The following KDM2B variants were observed in gnomAD, a reference collection of about 807,000 sequenced individuals.
The protein encoded by KDM2B is lysine-specific demethylase 2B.
A neutral mutation model predicts 150.0 loss-of-function variants in KDM2B; 26 were observed. The observed-to-expected ratio is 0.17, with a 90% CI of 0.13 to 0.24. The LOEUF is 0.24. Ranked by LOEUF, KDM2B falls within the 10% of genes least tolerant of loss-of-function variation. The pLI is 1.00. For synonymous variants in KDM2B, 734 were observed against 729.5 expected, an observed-to-expected ratio of 1.01 and a Z score of -0.10; for missense variants, 1,265 against 1,816.9, an observed-to-expected ratio of 0.70 and a Z score of 5.52.
chr12:121,552,644 G>C (rs1024926269), intron 4 of KDM2B, among the ~76,000 whole-genome samples: 2 of 147,510 alleles, frequency 1.4e-5, no homozygotes, highest in Non-Finnish European at 3.0e-5. Context: ...TTGCACTCTA[G>C]CCTGGGTGAC....
At chr12:121,482,133 G>T (rs930496755) in intron 12 of KDM2B, among the ~76,000 whole-genome samples, 2 of 152,034 alleles carry the variant, frequency 1.3e-5, no homozygotes, top group African/African-American at 2.4e-5. Flanking sequence ...CACCAAAAAA[G>T]AAATCCTTGG....
At chr12:121,557,173 C>T (rs1270315663) in intron 4 of KDM2B, among the ~76,000 whole-genome samples, 1 of 151,096 alleles carries the variant, frequency 6.6e-6, no homozygotes, top group African/African-American at 2.4e-5. Flanking sequence ...TCTTTGCTGA[C>T]GTGATCAAGC....
chr12:121,532,653 C>T (rs528934970), intron 8 of KDM2B, among the ~76,000 whole-genome samples, 153 bp downstream of exon 8: 2 of 152,192 alleles, frequency 1.3e-5, no homozygotes, highest in Non-Finnish European at 2.9e-5. Flanking sequence ...GAAAACTGCA[C>T]GGCTTTTCCC....
At chr12:121,574,434 G>T (rs573109603) in intron 4 of KDM2B, 113 bp downstream of exon 4, 235 of 960,594 alleles carry the variant, frequency 2.4e-4, no homozygotes, top group African/African-American at 1.0e-3. Context: ...GCCTTCTCCC[G>T]TGGGGACTTT....
At chr12:121,539,283 G>A (rs1005616996) in intron 6 of KDM2B, among the ~76,000 whole-genome samples, 1 of 127,312 alleles carries the variant, frequency 7.9e-6, no homozygotes, top group African/African-American at 3.1e-5. Flanking sequence ...AATCACGACT[G>A]CGCCACTGCA....
chr12:121,466,610 A>ACGGCGGG (rs1223282552), intron 12 of KDM2B, among the ~76,000 whole-genome samples: 2 of 150,952 alleles, frequency 1.3e-5, no homozygotes, highest in Non-Finnish European at 3.0e-5. Flanking sequence ...CCGTCTGCCC[A>ACGGCGGG]CGGCGGGCGG....
In KDM2B at chr12:121,505,426, C is replaced by T. The variant is rs377478673; in HGVS notation, c.1647+4141G>A. On this transcript the variant is annotated intron_variant, in intron 11 of 22. Transcript: ENST00000377071. ...ACACGAGGCTGTCCAACCACCTGAG[C>T]CCAGGGGCTCAAGATGAGCCTGGGC... Among the ~76,000 whole-genome samples the T allele has an allele frequency of 1.5e-4, 23 of 152,034 alleles. No homozygotes were observed. The East Asian group carries it at 4.5e-3, about 29-fold the overall frequency.
intron 12 of KDM2B, among the ~76,000 whole-genome samples, chr12:121,475,698 A>G (rs541570557): frequency 2.0e-4 from 31 of 152,194 alleles, no homozygotes; most frequent in African/African-American, 7.5e-4. Flanking sequence ...GTTTGAGACC[A>G]GCCTGGGCAA....
chr12:121,564,018 G>A (rs2136302762), intron 4 of KDM2B, among the ~76,000 whole-genome samples: 1 of 152,250 alleles, frequency 6.6e-6, no homozygotes, highest in African/African-American at 2.4e-5. Context: ...GGGAGGTTGA[G>A]GTGGGAGAAT....
At chr12:121,502,314 C>A (rs1294111897) in intron 11 of KDM2B, among the ~76,000 whole-genome samples, 1 of 152,142 alleles carries the variant, frequency 6.6e-6, no homozygotes, top group Non-Finnish European at 1.5e-5. Context: ...CGGTCTAATG[C>A]AGAACTTTTG....
At chr12:121,435,040 A>AG (rs1434298005) in intron 22 of KDM2B, among the ~76,000 whole-genome samples, 3 of 150,918 alleles carry the variant, frequency 2.0e-5, no homozygotes, top group African/African-American at 7.4e-5. Flanking sequence ...ACAAAGGGAA[A>AG]AAAAAAAAAA....
the KDM2B span, among the ~76,000 whole-genome samples, chr12:121,413,759 G>T: frequency 6.6e-6 from 1 of 151,816 alleles, no homozygotes; most frequent in Non-Finnish European, 1.5e-5. Context: ...TGTATTTTTA[G>T]TAGAGACAGG....
intron 12 of KDM2B, among the ~76,000 whole-genome samples, chr12:121,481,919 C>T (rs782128402): frequency 2.3e-4 from 35 of 152,226 alleles, no homozygotes; most frequent in Non-Finnish European, 4.3e-4. Context: ...GCTGGGATTA[C>T]GGGCACCCGG....
intron 1 of KDM2B, chr12:121,580,400 G>T (rs1594177419): frequency 2.7e-6 from 3 of 1,115,558 alleles, no homozygotes; most frequent in Non-Finnish European, 2.2e-6. Context: ...ATGGGGCGGG[G>T]AGGGAGCCCG....
chr12:121,452,995 C>G lies in KDM2B; in HGVS notation c.1959+125G>C, dbSNP rs1047249814. On this transcript the variant is annotated intron_variant, in intron 13 of 22. Transcript: ENST00000377071. The surrounding 1 kb of genome is among the most constrained non-coding windows in gnomAD (Gnocchi z 4.4). Reference sequence around the variant, plus strand: ...CCTTCCCGTCCACAGGAAGAGCTCTCGGGGAGTCCACAGCCCCGGCTTCTC... The same window carrying G: ...CCTTCCCGTCCACAGGAAGAGCTCTGGGGGAGTCCACAGCCCCGGCTTCTC... The G allele has an allele frequency of 3.5e-6, 3 of 869,078 alleles. No individual in the cohort carries two copies. The highest frequency in any genetic ancestry group is 3.4e-6 in the Non-Finnish European group (2 of 586,628). The allele number at this position is 869,078 out of a possible 1,614,324, so 53.8% of individuals were successfully genotyped here. A position where few individuals can be genotyped will look rare whatever the true frequency, so the allele number is the denominator to read the frequency against.
intron 12 of KDM2B, among the ~76,000 whole-genome samples, chr12:121,477,031 A>G (rs1324181388): frequency 2.0e-5 from 3 of 152,220 alleles, no homozygotes; most frequent in African/African-American, 4.8e-5. Flanking sequence ...ACGGAATGAC[A>G]TTCTTCAAAG....
intron 6 of KDM2B, among the ~76,000 whole-genome samples, chr12:121,546,460 G>A (rs1555310693): frequency 7.6e-6 from 1 of 130,850 alleles, no homozygotes; most frequent in Non-Finnish European, 1.5e-5. Flanking sequence ...TCGGCTCACT[G>A]CAAGCTCCAC....
chr12:121,485,117 C>T (rs997847999), intron 12 of KDM2B, among the ~76,000 whole-genome samples: 1 of 152,156 alleles, frequency 6.6e-6, no homozygotes. Flanking sequence ...TGCTGACACC[C>T]TGACCTTGGA....
At chr12:121,443,237 G>T (rs1380006668) in intron 17 of KDM2B, 5 of 610,444 alleles carry the variant, frequency 8.2e-6, no homozygotes, top group African/African-American at 3.7e-5. Context: ...TAGGAGTACA[G>T]TTGAACTGTT....
Sources: allele counts gnomAD v4.1 joint callset (sites outside exome capture counted in the v4.1 genomes callset), GRCh38; gene constraint gnomAD v4.1.1; non-coding constraint Gnocchi (gnomAD v3.1); transcripts MANE v1.5; gene names NCBI Gene and HGNC (gene_info 2026-07-23, HGNC 2026-07-21).